MGST2: variants seen among roughly 807,000 people sequenced by gnomAD.
MGST2 encodes microsomal glutathione S-transferase 2, also known as glutathione peroxidase MGST2.
MGST2 carries 9 observed loss-of-function variants against 16.6 expected under a neutral mutation model. The ratio of observed to expected loss-of-function variants is 0.54; its 90% CI spans 0.33 to 0.95. The LOEUF (loss-of-function observed/expected upper bound fraction) is 0.95, where lower values mean the gene tolerates loss of function less well. MGST2 is among the 40% of genes least tolerant of loss of function. MGST2 has a pLI of 0.03. For synonymous variants in MGST2, 79 were observed against 68.0 expected, an observed-to-expected ratio of 1.16 and a Z score of -0.79; for missense variants, 159 against 175.1, an observed-to-expected ratio of 0.91 and a Z score of 0.52.
intron 5 of MGST2, among the ~76,000 whole-genome samples, chr4:139,709,488 C>A (rs977926945): frequency 4.6e-5 from 7 of 152,112 alleles, no homozygotes; most frequent in Admixed American, 3.3e-4. Context: ...GAAGAGAATG[C>A]CCTAATTCTC....
intron 2 of MGST2, among the ~76,000 whole-genome samples, chr4:139,688,751 C>A (rs1347196336): frequency 6.6e-6 from 1 of 152,122 alleles, no homozygotes; most frequent in Non-Finnish European, 1.5e-5. Context: ...TGTTTTCTTA[C>A]AAGTGTAACC....
chr4:139,733,619 C>T (rs1349987760), intron 5 of MGST2, among the ~76,000 whole-genome samples: 5 of 151,494 alleles, frequency 3.3e-5, no homozygotes, highest in Non-Finnish European at 7.4e-5. Context: ...AAATAATTCC[C>T]TCCCAGAGGT....
At chr4:139,718,579 CA>C (rs1449037525) in intron 5 of MGST2, 5 of 152,396 alleles carry the variant, frequency 3.3e-5, no homozygotes, top group Non-Finnish European at 5.9e-5. Context: ...GGACTGCCAC[CA>C]GGGGCACCAG....
the MGST2 span, among the ~76,000 whole-genome samples, chr4:139,751,645 C>T: frequency 3.9e-5 from 6 of 152,248 alleles, no homozygotes; most frequent in African/African-American, 1.4e-4. Flanking sequence ...TAGCCCCTAA[C>T]CCTAAATAGT....
chr4:139,751,728 T>C, the MGST2 span, among the ~76,000 whole-genome samples: 1 of 152,140 alleles, frequency 6.6e-6, no homozygotes, highest in Non-Finnish European at 1.5e-5. Context: ...GTAGACCTTG[T>C]GCCTGGAGGG....
chr4:139,736,430 C>T (rs575826352), intron 5 of MGST2, among the ~76,000 whole-genome samples: 1 of 152,188 alleles, frequency 6.6e-6, no homozygotes, highest in African/African-American at 2.4e-5. Context: ...GATGGCTAGA[C>T]AGAGGCGCCT....
intron 5 of MGST2, among the ~76,000 whole-genome samples, chr4:139,709,490 C>G (rs1727659019): frequency 6.6e-6 from 1 of 152,122 alleles, no homozygotes; most frequent in South Asian, 2.1e-4. Flanking sequence ...AGAGAATGCC[C>G]TAATTCTCTG....
intron 3 of MGST2, among the ~76,000 whole-genome samples, chr4:139,701,173 A>G (rs966356986): frequency 6.6e-6 from 1 of 152,248 alleles, no homozygotes; most frequent in Admixed American, 6.5e-5. Context: ...GATAGGCTGA[A>G]TGAGGCAGAC....
chr4:139,677,907 C>T (rs1731046862), intron 1 of MGST2, among the ~76,000 whole-genome samples: 2 of 152,168 alleles, frequency 1.3e-5, no homozygotes, highest in Non-Finnish European at 2.9e-5. Context: ...GCAAATTGTG[C>T]TTTGTAGCTA....
intron 5 of MGST2, among the ~76,000 whole-genome samples, chr4:139,716,386 C>CTTT (rs1274692618): frequency 6.6e-6 from 1 of 152,058 alleles, no homozygotes; most frequent in Non-Finnish European, 1.5e-5. Flanking sequence ...TCCGATTTTT[C>CTTT]TTTTTTTGAC....
intron 1 of MGST2, among the ~76,000 whole-genome samples, chr4:139,677,572 G>A (rs184850139): frequency 6.6e-6 from 1 of 151,886 alleles, no homozygotes; most frequent in African/African-American, 2.4e-5. Context: ...CATGATCTCG[G>A]CTCACTGCAA....
chr4:139,743,750 A>C (rs1327808768), downstream of MGST2, among the ~76,000 whole-genome samples: 1 of 152,220 alleles, frequency 6.6e-6, no homozygotes, highest in Non-Finnish European at 1.5e-5. Context: ...TTCTATAGAA[A>C]GCCTTGAGAA....
intron 2 of MGST2, among the ~76,000 whole-genome samples, chr4:139,683,919 GTTTTT>G (rs34222679): frequency 0.051 from 4,675 of 92,376 alleles, 64 homozygotes; most frequent in African/African-American, 0.077. Flanking sequence ...TCAGTTTTGT[GTTTTT>G]TTTTTTTTTT....
At position 139,704,115 on chromosome 4, in the gene MGST2, C is replaced by T. The variant is rs776084474; in HGVS notation, c.411C>T (p.Leu137=). The T allele has an allele frequency of 1.9e-6, 3 of 1,614,192 alleles. No individual in the cohort carries two copies. The highest frequency in any genetic ancestry group is 2.5e-6 in the Non-Finnish European group (3 of 1,180,038). Reference sequence around the variant, plus strand: ...GCTTTCTGGATGAATATCTGGACCTCAATATTGCCAAGAAACTGAGGCGGC... The same window carrying T: ...GCTTTCTGGATGAATATCTGGACCTTAATATTGCCAAGAAACTGAGGCGGC... The part of the protein sequence containing the change: ...ANSFLDEYLD[L]NIAKKLRRQF The change falls in exon 5 of 5, where the codon CTC becomes CTT. Residue 137 remains leucine (L), a synonymous_variant. Coordinates refer to ENST00000265498, the MANE Select transcript of MGST2 (RefSeq NM_002413.5).
At position 139,702,844 on chromosome 4, in the gene MGST2, G is replaced by GTTTTTTTT. The variant is rs70943436; in HGVS notation, c.230-592_230-585dup. Among the ~76,000 whole-genome samples, 195 of 46,420 alleles carry GTTTTTTTT rather than the reference G, an allele frequency of 4.2e-3. 6 individuals carry two copies. Among genetic ancestry groups the GTTTTTTTT allele is most frequent in the African/African-American group, 6.5e-3 (105 of 16,068 alleles). 30.5% of individuals were successfully genotyped at this position (46,420 alleles called of 152,430 possible). ...TCCTCACCAACATTTTGTGTTACTGGTTTTTTTTTTTTTTTTTTTTTTTTT... is the reference window on the plus strand; with the variant it reads ...TCCTCACCAACATTTTGTGTTACTGGTTTTTTTTTTTTTTTTTTTTTTTTTTTTTTTTT... On this transcript the variant is annotated intron_variant, in intron 3 of 4. Transcript: ENST00000265498.
Position 139,665,906 on chromosome 4 carries a change from CT to C in MGST2, c.-110del, listed in dbSNP as rs878859962. On this transcript the variant is annotated 5_prime_UTR_variant, in exon 1 of 5. Coordinates refer to ENST00000265498, the MANE Select transcript of MGST2 (RefSeq NM_002413.5). ...AGGTCATTCAGCCGCTTGAATCAGC[CT>C]TTTCCCCCCACCCGGTCCCCAACTT... 12 of 1,055,536 alleles carry C rather than the reference CT, an allele frequency of 1.1e-5. No homozygotes were observed. The highest frequency in any genetic ancestry group is 6.6e-5 in the South Asian group (5 of 75,328). 65.4% of individuals were successfully genotyped at this position (1,055,536 alleles called of 1,614,324 possible).
chr4:139,692,766 C>G (rs1473961420), intron 2 of MGST2, among the ~76,000 whole-genome samples: 1 of 152,200 alleles, frequency 6.6e-6, no homozygotes, highest in Non-Finnish European at 1.5e-5. Context: ...CCTTCTTCCT[C>G]TTTCAGATAA....
At chr4:139,680,916 G>A (rs1200648220) in intron 2 of MGST2, among the ~76,000 whole-genome samples, 1 of 152,178 alleles carries the variant, frequency 6.6e-6, no homozygotes, top group Non-Finnish European at 1.5e-5. Flanking sequence ...CTACTGTCCC[G>A]AGATGTTAAT....
the MGST2 span, among the ~76,000 whole-genome samples, chr4:139,747,712 T>G: frequency 7.0e-6 from 1 of 143,106 alleles, no homozygotes; most frequent in Non-Finnish European, 1.5e-5. Flanking sequence ...AAAAAAAAAA[T>G]TCCTTGCACA....
Sources: gnomAD v4.1 joint callset for allele counts (sites outside exome capture counted in the v4.1 genomes callset) on GRCh38, gnomAD v4.1.1 for gene constraint, MANE v1.5 for transcripts, NCBI Gene and HGNC (gene_info 2026-07-23, HGNC 2026-07-21) for gene names.